FRMD6: variants seen among roughly 807,000 people sequenced by gnomAD.
FRMD6 encodes FERM domain containing 6.
Under a neutral mutation model 73.2 loss-of-function variants are expected in FRMD6, and 37 were observed. That is an observed-to-expected ratio of 0.51 (90% CI 0.39 to 0.66). The LOEUF is 0.66. Ranked by LOEUF, FRMD6 falls within the 30% of genes least tolerant of loss-of-function variation. FRMD6 has a pLI of 0.00. For synonymous variants in FRMD6, 273 were observed against 282.2 expected, an observed-to-expected ratio of 0.97 and a Z score of 0.33; for missense variants, 714 against 780.5, an observed-to-expected ratio of 0.91 and a Z score of 1.02.
chr14:51,635,580 T>G (rs549701462), intron 2 of FRMD6, among the ~76,000 whole-genome samples: 200 of 152,314 alleles, frequency 1.3e-3, no homozygotes, highest in African/African-American at 4.5e-3. Flanking sequence ...TAGTTTAACG[T>G]TTTAAGTAAA....
intron 1 of FRMD6, among the ~76,000 whole-genome samples, chr14:51,542,803 G>A (rs1886270480): frequency 6.6e-6 from 1 of 151,974 alleles, no homozygotes; most frequent in Non-Finnish European, 1.5e-5. Flanking sequence ...TAAAATTATA[G>A]CCATTCTGAG....
upstream of FRMD6, among the ~76,000 whole-genome samples, chr14:51,485,239 C>T (rs747476046): frequency 6.6e-6 from 1 of 152,144 alleles, no homozygotes; most frequent in Non-Finnish European, 1.5e-5. Context: ...CTTCACAGCT[C>T]ACCTACACAA....
the FRMD6 span, among the ~76,000 whole-genome samples, chr14:51,407,551 AC>A: frequency 6.6e-6 from 1 of 151,874 alleles, no homozygotes; most frequent in South Asian, 2.1e-4. Flanking sequence ...GAATCATTTA[AC>A]TTTTCTGTTT....
At chr14:51,658,114 C>T (rs1228219238) in intron 1 of FRMD6, among the ~76,000 whole-genome samples, 1 of 152,180 alleles carries the variant, frequency 6.6e-6, no homozygotes, top group Non-Finnish European at 1.5e-5. Flanking sequence ...ACTATGTAGT[C>T]CAAGCAAGTG....
At chr14:51,530,308 T>C (rs982793760) in intron 1 of FRMD6, among the ~76,000 whole-genome samples, 8 of 152,164 alleles carry the variant, frequency 5.3e-5, no homozygotes, top group Admixed American at 5.2e-4. Context: ...AATGGGGCCA[T>C]GTTTGGAGTA....
At position 51,729,063 on chromosome 14, in the gene FRMD6, G is replaced by C. The variant is rs1172044503; in HGVS notation, c.*1034G>C. ...TGTCACTGAGTGAATGATACCTGCA[G>C]ACAGTCAGTTGATATATGTAGAGTT... On this transcript the variant is annotated 3_prime_UTR_variant, in exon 14 of 14. Transcript: ENST00000344768. The C allele has an allele frequency of 1.3e-5, 2 of 152,136 alleles. No individual in the cohort carries two copies. The highest frequency in any genetic ancestry group is 2.9e-5 in the Non-Finnish European group (2 of 68,018). 9.4% of individuals were successfully genotyped at this position (152,136 alleles called of 1,614,324 possible). A position where few individuals can be genotyped will look rare whatever the true frequency, so the allele number is the denominator to read the frequency against.
chr14:51,701,298 A>G (rs1379317138), intron 4 of FRMD6, 139 bp downstream of exon 4: 2 of 376,330 alleles, frequency 5.3e-6, no homozygotes. Flanking sequence ...TAAGTTATAT[A>G]TAGTATATGT....
the FRMD6 span, among the ~76,000 whole-genome samples, chr14:51,447,768 T>C: frequency 7.9e-5 from 12 of 152,330 alleles, no homozygotes; most frequent in African/African-American, 2.9e-4. Flanking sequence ...TCAATCCTAC[T>C]CACATCTGTT....
intron 1 of FRMD6, among the ~76,000 whole-genome samples, chr14:51,657,671 A>C (rs1892932389): frequency 6.6e-6 from 1 of 152,190 alleles, no homozygotes; most frequent in African/African-American, 2.4e-5. Flanking sequence ...AATGTTGAGC[A>C]CTTTGGGGTT....
At chr14:51,471,084 G>A in the FRMD6 span, among the ~76,000 whole-genome samples, 1 of 152,150 alleles carries the variant, frequency 6.6e-6, no homozygotes, top group African/African-American at 2.4e-5. Flanking sequence ...TACTAATGGG[G>A]TTCTAAAATC....
intron 2 of FRMD6, among the ~76,000 whole-genome samples, chr14:51,585,493 A>T (rs530441230): frequency 6.4e-4 from 97 of 152,272 alleles, no homozygotes; most frequent in African/African-American, 2.3e-3. Flanking sequence ...CTTCTGAAGC[A>T]AGACCAAGAA....
chr14:51,703,436 A>T (rs1412203768), intron 5 of FRMD6, among the ~76,000 whole-genome samples: 2 of 152,094 alleles, frequency 1.3e-5, no homozygotes, highest in Admixed American at 1.3e-4. Context: ...TCAATGCCAG[A>T]TGCAAATTAA....
At position 51,640,884 on chromosome 14, in the gene FRMD6, TTAAG is replaced by T. The variant is rs1348400071; in HGVS notation, c.-146-48803_-146-48800del. ...TTAAAAATAAAATTTAGCAAATTATTTAAGTAATGATAATTTTCCATGGTAAGAG... is the reference window on the plus strand; with the variant it reads ...TTAAAAATAAAATTTAGCAAATTATTTAATGATAATTTTCCATGGTAAGAG... On this transcript the variant is annotated intron_variant, in intron 2 of 14. Coordinates refer to the FRMD6 transcript ENST00000356218. Among the ~76,000 whole-genome samples, 7 of 152,352 alleles carry T rather than the reference TTAAG, an allele frequency of 4.6e-5. No homozygotes were observed. The East Asian group carries it at 5.8e-4, about 13-fold the overall frequency.
intron 2 of FRMD6, among the ~76,000 whole-genome samples, chr14:51,611,427 A>G (rs1195652314): frequency 6.6e-6 from 1 of 152,202 alleles, no homozygotes; most frequent in East Asian, 1.9e-4. Context: ...GCTGCTTTAA[A>G]AAAGACTGAT....
chr14:51,651,235 T>C (rs1386454775), upstream of FRMD6: 1 of 152,094 alleles, frequency 6.6e-6, no homozygotes, highest in African/African-American at 2.4e-5. Context: ...GAGGTAGAAT[T>C]AGAGGGGGAG....
At position 51,727,816 on chromosome 14, in the gene FRMD6, G is replaced by A. The variant is rs145888944; in HGVS notation, c.1656G>A (p.Gln552=). ...SLSLDDIRLY[Q]KDFLRIAGLC... The stretch of plus-strand genomic sequence containing the variant: ...GCCTCGATGACATCAGACTTTACCA[G>A]AAAGACTTCCTGCGCATTGCAGGTC... Residue 552 remains glutamine (Q), a synonymous_variant, in exon 14 of 14, where the codon CAG becomes CAA. Coordinates refer to ENST00000344768, the MANE Select transcript of FRMD6 (RefSeq NM_001267046.2). 6.8e-6 allele frequency: 11 copies of A among 1,613,950 alleles called. No individual in the cohort carries two copies. Among genetic ancestry groups the A allele is most frequent in the Non-Finnish European group, 9.3e-6 (11 of 1,179,938 alleles).
intron 7 of FRMD6, among the ~76,000 whole-genome samples, chr14:51,710,527 T>C (rs1467146859): frequency 1.3e-5 from 2 of 152,178 alleles, no homozygotes; most frequent in Non-Finnish European, 2.9e-5. Flanking sequence ...TTAAAGCTTA[T>C]GCTATATGTG....
At chr14:51,629,494 T>C (rs1488070703) in intron 2 of FRMD6, among the ~76,000 whole-genome samples, 1 of 152,174 alleles carries the variant, frequency 6.6e-6, no homozygotes, top group Non-Finnish European at 1.5e-5. Flanking sequence ...TGTATGGGGG[T>C]TCCAGTTGTT....
intron 1 of FRMD6, among the ~76,000 whole-genome samples, chr14:51,656,267 A>G (rs1420809034): frequency 6.6e-6 from 1 of 152,228 alleles, no homozygotes; most frequent in Non-Finnish European, 1.5e-5. Flanking sequence ...GAAAGAAATC[A>G]TTGATCTCTC....
Sources: allele counts gnomAD v4.1 joint callset (sites outside exome capture counted in the v4.1 genomes callset), GRCh38; gene constraint gnomAD v4.1.1; transcripts MANE v1.5; gene names NCBI Gene and HGNC (gene_info 2026-07-23, HGNC 2026-07-21).